Variants in CSPP1 observed in about 807,000 individuals in gnomAD.
CSPP1 encodes centrosome and spindle pole-associated protein 1.
CSPP1 carries 126 observed loss-of-function variants against 164.4 expected under a neutral mutation model. That is an observed-to-expected ratio of 0.77 (90% confidence interval 0.66 to 0.89). The LOEUF is 0.89. Among genes scored for constraint, CSPP1 ranks in the 40% least tolerant of loss-of-function variants. The pLI, the probability that CSPP1 is intolerant of heterozygous loss-of-function variation, is 0.00. For synonymous variants in CSPP1, 472 were observed against 476.7 expected, an observed-to-expected ratio of 0.99 and a Z score of 0.13; for missense variants, 1,395 against 1,449.8, an observed-to-expected ratio of 0.96 and a Z score of 0.61.
intron 29 of CSPP1, among the ~76,000 whole-genome samples, chr8:67,191,751 ACT>A (rs915529671): frequency 1.3e-5 from 2 of 152,026 alleles, no homozygotes; most frequent in African/African-American, 4.8e-5. Flanking sequence ...TGTTTTTATT[ACT>A]CTCGAATATA....
Position 67,154,085 on chromosome 8 carries a change from T to G in CSPP1, c.2190T>G (p.Thr730=). ...ARGNVFGEPP[T]ELQIKQQELY... ...GAAATGTATTTGGTGAGCCTCCAAC[T>G]GAACTTCAGATTAAACAGCAAGAAT... The change falls in exon 19 of 31, where the codon ACT becomes ACG. Residue 730 remains threonine, a synonymous_variant. Coordinates refer to ENST00000678616, the MANE Select transcript of CSPP1 (RefSeq NM_001382391.1). 1 of 1,604,388 alleles carries G rather than the reference T, an allele frequency of 6.2e-7. No homozygotes were observed. The highest frequency in any genetic ancestry group is 1.1e-5 in the South Asian group (1 of 90,718).
chr8:67,137,855 A>G (rs934318780), intron 17 of CSPP1, among the ~76,000 whole-genome samples: 1 of 152,202 alleles, frequency 6.6e-6, no homozygotes, highest in African/African-American at 2.4e-5. Flanking sequence ...TTGCAGAGAA[A>G]AGCTCATGTT....
chr8:67,131,898 C>T, intron 15 of CSPP1, 53 bp from the exon 16 acceptor site: 1 of 1,476,580 alleles, frequency 6.8e-7, no homozygotes, highest in Non-Finnish European at 9.1e-7. Context: ...GTTGTATTTT[C>T]TTCTTGCTTT....
chr8:67,181,803 C>G (rs144778957), intron 28 of CSPP1, among the ~76,000 whole-genome samples: 76 of 152,276 alleles, frequency 5.0e-4, no homozygotes, highest in African/African-American at 1.7e-3. Context: ...AATAGAAACT[C>G]TTCATATGAA....
intron 3 of CSPP1, among the ~76,000 whole-genome samples, chr8:67,082,829 A>G (rs1809492572): frequency 6.6e-6 from 1 of 152,226 alleles, no homozygotes; most frequent in South Asian, 2.1e-4. Flanking sequence ...GTTATACTTG[A>G]TGAAGTGACA....
In CSPP1 at chr8:67,101,949, C is replaced by T. The variant is rs149439055; in HGVS notation, c.924-1088C>T. Among the ~76,000 whole-genome samples the T allele has an allele frequency of 3.9e-3, 597 of 152,116 alleles. 17 individuals are homozygous for T. Among genetic ancestry groups the T allele is most frequent in the Admixed American group, 0.033 (498 of 15,280 alleles). ...AATGCTTATGAAATGCTGATTTTCA[C>T]GGATGCCAATAAGTGTTGGTGTAAA... On this transcript the variant is annotated intron_variant, in intron 7 of 30. Coordinates refer to ENST00000678616, the MANE Select transcript of CSPP1 (RefSeq NM_001382391.1).
chr8:67,096,384 G>T (rs549719976), intron 7 of CSPP1, among the ~76,000 whole-genome samples: 2 of 151,974 alleles, frequency 1.3e-5, no homozygotes, highest in Admixed American at 1.3e-4. Flanking sequence ...GACCAACAGG[G>T]TGAAACCCTG....
At position 67,159,016 on chromosome 8, in the gene CSPP1, T is replaced by C; in HGVS notation, c.2417T>C (p.Ile806Thr). ...EEQRLKNEEH[I>T]RLAEERQKEA... ...CAAAGGCTAAAAAATGAAGAGCATATTCGGTTAGCTGAAGAAAGACAAAAA... is the reference window on the plus strand; with the variant it reads ...CAAAGGCTAAAAAATGAAGAGCATACTCGGTTAGCTGAAGAAAGACAAAAA... The change falls in exon 21 of 31, where the codon ATT (isoleucine) becomes ACT (threonine). Residue 806 changes from isoleucine (I) to threonine (T), a missense_variant. By Grantham distance (89) the Ile-to-Thr change is moderately conservative (BLOSUM62 -1). Coordinates refer to ENST00000678616, the MANE Select transcript of CSPP1 (RefSeq NM_001382391.1). 6.2e-7 allele frequency: 1 copy of C among 1,608,578 alleles called. No individual in the cohort carries two copies. The highest frequency in any genetic ancestry group is 1.1e-5 in the South Asian group (1 of 89,830).
intron 13 of CSPP1, 34 bp from the exon 14 acceptor site, chr8:67,118,214 A>G (rs1818303598): frequency 6.2e-7 from 1 of 1,608,996 alleles, no homozygotes; most frequent in South Asian, 1.1e-5. Flanking sequence ...GCAATGAAAT[A>G]TGAGAGGAAT....
intron 28 of CSPP1, among the ~76,000 whole-genome samples, chr8:67,182,452 T>C (rs1376969918): frequency 6.6e-6 from 1 of 152,232 alleles, no homozygotes; most frequent in Non-Finnish European, 1.5e-5. Flanking sequence ...TGAATAGGTG[T>C]ACAATTATCT....
chr8:67,144,704 C>G (rs1405772254), intron 17 of CSPP1, among the ~76,000 whole-genome samples: 3 of 152,216 alleles, frequency 2.0e-5, no homozygotes, highest in Non-Finnish European at 4.4e-5. Context: ...ACCTTGGCCT[C>G]CCAAAGTGCT....
In CSPP1 at chr8:67,175,292, C is replaced by T. The variant is rs1339349454; in HGVS notation, c.2969-4C>T. The T allele has an allele frequency of 2.5e-6, 4 of 1,600,324 alleles. No homozygotes were observed. Among genetic ancestry groups the T allele is most frequent in the South Asian group, 2.2e-5 (2 of 89,660 alleles). On this transcript the variant is annotated splice_polypyrimidine_tract_variant and splice_region_variant and intron_variant, in intron 25 of 30. Coordinates refer to ENST00000678616, the MANE Select transcript of CSPP1 (RefSeq NM_001382391.1). ...TTAGTTATATAACATATTTTTTATA[C>T]CAGATTCAGAAACACGAGTTGATCT...
chr8:67,189,599 AGTG>A (rs370642948), intron 28 of CSPP1, among the ~76,000 whole-genome samples: 87 of 152,338 alleles, frequency 5.7e-4, no homozygotes, highest in African/African-American at 1.9e-3. Flanking sequence ...AAACAATGAT[AGTG>A]TTGTATAAAT....
intron 15 of CSPP1, among the ~76,000 whole-genome samples, chr8:67,120,076 A>G (rs896368817): frequency 1.3e-4 from 20 of 152,046 alleles, no homozygotes; most frequent in African/African-American, 4.6e-4. Context: ...TGTCTTAGTT[A>G]TTTTGTATGT....
At chr8:67,142,752 TTTG>T (rs1374462590) in intron 17 of CSPP1, among the ~76,000 whole-genome samples, 1 of 152,214 alleles carries the variant, frequency 6.6e-6, no homozygotes, top group Non-Finnish European at 1.5e-5. Context: ...ATTCTCCAAT[TTTG>T]TTTTGTCATT....
At chr8:67,072,636 A>G (rs1237165848) in intron 1 of CSPP1, among the ~76,000 whole-genome samples, 1 of 151,798 alleles carries the variant, frequency 6.6e-6, no homozygotes, top group Non-Finnish European at 1.5e-5. Context: ...TTGAAGGGGT[A>G]ACATTGAGCT....
intron 15 of CSPP1, among the ~76,000 whole-genome samples, chr8:67,119,217 T>A (rs566602061): frequency 1.3e-5 from 2 of 152,206 alleles, no homozygotes; most frequent in Non-Finnish European, 2.9e-5. Context: ...TCTTTCCTTT[T>A]TAAGGCTGAA....
At chr8:67,175,784 T>C (rs930976291) in intron 26 of CSPP1, among the ~76,000 whole-genome samples, 1 of 152,228 alleles carries the variant, frequency 6.6e-6, no homozygotes, top group Admixed American at 6.5e-5. Flanking sequence ...GTGTCGGGCA[T>C]TTGCCTACTG....
intron 16 of CSPP1, chr8:67,134,055 G>A (rs1821759830): frequency 2.6e-5 from 4 of 152,052 alleles, no homozygotes; most frequent in South Asian, 2.1e-4. Flanking sequence ...TGAATCCCTC[G>A]AAGTCATCCA....
Sources: gnomAD v4.1 joint callset for allele counts (sites outside exome capture counted in the v4.1 genomes callset) on GRCh38, gnomAD v4.1.1 for gene constraint, MANE v1.5 for transcripts, NCBI Gene and HGNC (gene_info 2026-07-23, HGNC 2026-07-21) for gene names.